Variants in GFM2 observed in about 807,000 individuals in gnomAD.
GFM2 encodes the protein ribosome-releasing factor 2, mitochondrial.
Under a neutral mutation model 95.4 loss-of-function variants are expected in GFM2, and 72 were observed. The observed-to-expected ratio is 0.76, with a 90% CI of 0.62 to 0.92. The LOEUF is 0.92. Ranked by LOEUF, GFM2 falls within the 40% of genes least tolerant of loss-of-function variation. The pLI is 0.00. For missense variants in GFM2, 825 were observed against 924.1 expected, an observed-to-expected ratio of 0.89 and a Z score of 1.39; for synonymous variants, 276 against 317.5, an observed-to-expected ratio of 0.87 and a Z score of 1.39.
Position 74,738,339 on chromosome 5 carries a change from A to G in GFM2, c.1299T>C (p.Ala433=). Residue 433 remains alanine (A), a synonymous_variant, in exon 14 of 21, where the codon GCT becomes GCC. Coordinates refer to ENST00000296805, the MANE Select transcript of GFM2 (RefSeq NM_032380.5). ...TTACATGTTTAAGCCCAACAGTCAA[A>G]GCAATGTTACCAGCAGTCAATGAAG... ...EIPSLTAGNI[A]LTVGLKHTAT... is the part of the protein sequence containing the mutation. 6.2e-7 allele frequency: 1 copy of G among 1,613,356 alleles called. No individual in the cohort carries two copies. The highest frequency in any genetic ancestry group is 8.5e-7 in the Non-Finnish European group (1 of 1,179,486).
At chr5:74,745,437 A>G (rs1743331223) in intron 10 of GFM2, among the ~76,000 whole-genome samples, 1 of 152,212 alleles carries the variant, frequency 6.6e-6, no homozygotes, top group South Asian at 2.1e-4. Flanking sequence ...AAAATGGCAC[A>G]TAGCATTTAC....
rs1284279334 is a variant in GFM2, at chr5:74,761,137, T to C, written c.64-151A>G. 4 of 568,466 alleles carry C rather than the reference T, an allele frequency of 7.0e-6. No individual in the cohort carries two copies. In the East Asian group the frequency reaches 1.2e-4, roughly 17 times the overall value. 35.2% of individuals were successfully genotyped at this position (568,466 alleles called of 1,614,324 possible). On this transcript the variant is annotated intron_variant, in intron 2 of 20. Transcript: ENST00000296805. ...TATTAACTCCAATTCTTTTAAAAAG[T>C]GACAATCCAAATATATCCTAGGGGA...
chr5:74,731,430 A>C (rs1742555074), intron 16 of GFM2, among the ~76,000 whole-genome samples: 1 of 152,186 alleles, frequency 6.6e-6, no homozygotes, highest in Non-Finnish European at 1.5e-5. Context: ...AAGCCCCAAT[A>C]ATAATTCTGG....
intron 20 of GFM2, 123 bp from the exon 21 acceptor site, chr5:74,721,906 A>G: frequency 1.2e-6 from 1 of 825,368 alleles, no homozygotes; most frequent in Non-Finnish European, 1.9e-6. Context: ...TAGCCATATC[A>G]CTTCCTCCAA....
chr5:74,744,453 C>A (rs1355208335), intron 10 of GFM2, among the ~76,000 whole-genome samples: 1 of 151,554 alleles, frequency 6.6e-6, no homozygotes, highest in African/African-American at 2.4e-5. Context: ...AGTGAAAAAT[C>A]AAGGGCTCTG....
At position 74,721,673 on chromosome 5, in the gene GFM2, C is replaced by G. The variant is rs1449911707; in HGVS notation, c.2322G>C (p.Arg774=). 2.5e-6 allele frequency: 4 copies of G among 1,612,678 alleles called. No homozygotes were observed. In the Admixed American group the frequency reaches 6.7e-5, roughly 27 times the overall value. ...AAAACATTTAGGTCAAACCACTTCT[C>G]CGGTTGAGCAGTGTATTTTGATCTT... ...NPQDQNTLLN[R]RSGLT The change falls in exon 21 of 21, where the codon CGG becomes CGC. Residue 774 remains arginine, a synonymous_variant. Transcript: ENST00000296805.
intron 7 of GFM2, 130 bp from the exon 8 acceptor site, chr5:74,747,910 T>C: frequency 1.6e-5 from 9 of 578,548 alleles, no homozygotes; most frequent in Non-Finnish European, 2.8e-5. Flanking sequence ...TTAGTGCAAC[T>C]GCACTTATAT....
intron 1 of GFM2, among the ~76,000 whole-genome samples, chr5:74,766,489 A>C (rs994582662): frequency 2.0e-5 from 3 of 152,218 alleles, no homozygotes; most frequent in Admixed American, 6.5e-5. Flanking sequence ...AGTGTATTTA[A>C]GTAGACGTAC....
chr5:74,749,263 G>A (rs1029620287), intron 7 of GFM2, among the ~76,000 whole-genome samples: 7 of 152,038 alleles, frequency 4.6e-5, no homozygotes, highest in Admixed American at 1.3e-4. Context: ...GAACCCACCT[G>A]CCTCAGCCTC....
chr5:74,722,529 C>T lies in GFM2; in HGVS notation c.2061G>A (p.Glu687=). The change falls in exon 20 of 21, where the codon GAG becomes GAA. Residue 687 remains glutamate, a synonymous_variant. Coordinates refer to ENST00000296805, the MANE Select transcript of GFM2 (RefSeq NM_032380.5). ...ALKKADKQVL[E]PLMNLEVTVA... ...CTGTAACCTCAAGATTCATCAGAGGCTCCAAAACTTGCTTATCAGCTTTCT... is the reference window on the plus strand; with the variant it reads ...CTGTAACCTCAAGATTCATCAGAGGTTCCAAAACTTGCTTATCAGCTTTCT... 2 of 1,613,188 alleles carry T rather than the reference C, an allele frequency of 1.2e-6. No individual in the cohort carries two copies. The highest frequency in any genetic ancestry group is 1.7e-6 in the Non-Finnish European group (2 of 1,179,726).
chr5:74,729,614 T>G (rs1009232649), intron 17 of GFM2, among the ~76,000 whole-genome samples: 3 of 152,058 alleles, frequency 2.0e-5, no homozygotes, highest in African/African-American at 4.8e-5. Context: ...TTCAGTGAAA[T>G]GTAACCATCA....
Position 74,726,117 on chromosome 5 carries a change from T to C in GFM2, c.1736A>G (p.Asp579Gly). Residue 579 changes from aspartate to glycine, a missense_variant, in exon 18 of 21, where the codon GAT becomes GGT. Transcript: ENST00000296805. The stretch of plus-strand genomic sequence containing the variant: ...ATGCCTTTTGTCTCCTAAAGTTCTA[T>C]CTAAGGTATCTGTAAACAAATTGAA... Reference protein sequence around the residue: ...LNSVRATDTLDRTLGDKRHLV... With the variant: ...LNSVRATDTLGRTLGDKRHLV... 3.7e-6 allele frequency: 6 copies of C among 1,603,438 alleles called. No homozygotes were observed. Among genetic ancestry groups the C allele is most frequent in the Non-Finnish European group, 5.1e-6 (6 of 1,175,756 alleles).
At chr5:74,752,577 C>CA (rs752103159) in intron 5 of GFM2, among the ~76,000 whole-genome samples, 21 of 152,006 alleles carry the variant, frequency 1.4e-4, no homozygotes, top group Non-Finnish European at 2.2e-4. Context: ...GGATACAGAC[C>CA]AAATAACTAA....
chr5:74,764,920 G>C (rs1386697423), intron 1 of GFM2: 2 of 178,548 alleles, frequency 1.1e-5, no homozygotes, highest in Non-Finnish European at 2.5e-5. Flanking sequence ...CGAGTAGCTG[G>C]AACTACAGGC....
At chr5:74,762,184 GCAA>G (rs1318743814) in intron 2 of GFM2, among the ~76,000 whole-genome samples, 3 of 152,074 alleles carry the variant, frequency 2.0e-5, no homozygotes, top group Non-Finnish European at 2.9e-5. Context: ...AGGCTTCTTA[GCAA>G]CAACAACAAA....
At chr5:74,752,135 T>C (rs1274950429) in intron 5 of GFM2, among the ~76,000 whole-genome samples, 1 of 152,174 alleles carries the variant, frequency 6.6e-6, no homozygotes, top group Admixed American at 6.5e-5. Context: ...AGGGATTTAG[T>C]TGTACAAGTG....
chr5:74,733,773 AG>A (rs754863168), intron 15 of GFM2, among the ~76,000 whole-genome samples: 5 of 152,212 alleles, frequency 3.3e-5, no homozygotes, highest in Non-Finnish European at 7.4e-5. Context: ...CTGACAAAAA[AG>A]TAAAATGCCT....
intron 19 of GFM2, among the ~76,000 whole-genome samples, chr5:74,722,895 C>A (rs1038312496): frequency 1.3e-5 from 2 of 151,862 alleles, no homozygotes; most frequent in Admixed American, 1.3e-4. Context: ...ACAGTCCATG[C>A]CATGCCACAT....
At chr5:74,733,691 C>A (rs772411506) in intron 15 of GFM2, among the ~76,000 whole-genome samples, 1 of 152,072 alleles carries the variant, frequency 6.6e-6, no homozygotes, top group Non-Finnish European at 1.5e-5. Flanking sequence ...GTTTGCACTG[C>A]GAAGCCACTG....
Sources: allele counts gnomAD v4.1 joint callset (sites outside exome capture counted in the v4.1 genomes callset), GRCh38; gene constraint gnomAD v4.1.1; transcripts MANE v1.5; gene names NCBI Gene and HGNC (gene_info 2026-07-23, HGNC 2026-07-21).